The following VPS13B variants were observed in gnomAD, a reference collection of about 807,000 sequenced individuals.
VPS13B encodes intermembrane lipid transfer protein VPS13B.
VPS13B carries 285 observed loss-of-function variants against 426.4 expected under a neutral mutation model. That is an observed-to-expected ratio of 0.67 (90% confidence interval 0.61 to 0.74). The LOEUF (loss-of-function observed/expected upper bound fraction) is 0.74. Ranked by LOEUF, VPS13B falls within the 30% of genes least tolerant of loss-of-function variation. The probability of loss-of-function intolerance (pLI) is 0.00; values close to 1 mark genes in which losing one functional copy is unlikely to be tolerated. For missense variants in VPS13B, 4,537 were observed against 4,782.6 expected, an observed-to-expected ratio of 0.95 and a Z score of 1.51; for synonymous variants, 1,676 against 1,676.4, an observed-to-expected ratio of 1.00 and a Z score of 0.01.
chr8:99,698,917 A>G (rs1336202517), intron 35 of VPS13B, among the ~76,000 whole-genome samples: 1 of 152,206 alleles, frequency 6.6e-6, no homozygotes, highest in Non-Finnish European at 1.5e-5. Context: ...AAGAAATCTC[A>G]GTCTACCAAT....
chr8:99,055,083 G>T (rs1431747597), intron 3 of VPS13B, among the ~76,000 whole-genome samples: 4 of 146,466 alleles, frequency 2.7e-5, no homozygotes, highest in Non-Finnish European at 4.5e-5. Flanking sequence ...TGTTCCACAG[G>T]CTGGCATGCA....
rs371301713 is a variant in VPS13B at position 99,384,260 on chromosome 8, C to A, written c.2877C>A (p.Ile959=). Residue 959 remains isoleucine, a synonymous_variant, in exon 20 of 62, where the codon ATC becomes ATA. Coordinates refer to ENST00000357162, the MANE Select transcript of VPS13B (RefSeq NM_152564.5). ...IQGLAVNIDP[I]LYTWLIYQPQ... ...GACTAGCAGTTAATATTGACCCAAT[C>A]TTATATACGTGGCTCATCTATCAGC... The A allele has an allele frequency of 6.2e-7, 1 of 1,613,968 alleles. No individual in the cohort carries two copies. The highest frequency in any genetic ancestry group is 1.3e-5 in the African/African-American group (1 of 75,012).
intron 39 of VPS13B, among the ~76,000 whole-genome samples, chr8:99,765,942 T>A (rs893919485): frequency 6.6e-6 from 1 of 152,148 alleles, no homozygotes; most frequent in African/African-American, 2.4e-5. Flanking sequence ...TTTTATCCTT[T>A]TGGAGTTTAC....
At chr8:99,202,217 A>G (rs537187126) in intron 17 of VPS13B, among the ~76,000 whole-genome samples, 1 of 152,352 alleles carries the variant, frequency 6.6e-6, no homozygotes, top group South Asian at 2.1e-4. Context: ...AAAATAGGAT[A>G]ATGAATAGAT....
rs200973594 is a variant in VPS13B at position 99,428,723 on chromosome 8, T to C, written c.3083-2814T>C. ...TCAACCATTGTGGAAGTCAGTGTGG[T>C]GATTCCTCAGGGATCAAGAACTAGA... On this transcript the variant is annotated intron_variant, in intron 21 of 61. Transcript: ENST00000357162. 1.4e-4 allele frequency among the ~76,000 whole-genome samples: 21 copies of C among 152,308 alleles called. No individual in the cohort carries two copies. In the South Asian group the frequency reaches 2.3e-3, roughly 17 times the overall value.
chr8:99,423,302 G>A (rs1360227643), intron 21 of VPS13B, among the ~76,000 whole-genome samples: 3 of 151,826 alleles, frequency 2.0e-5, no homozygotes, highest in Admixed American at 1.3e-4. Flanking sequence ...TGTTGCCCAG[G>A]CTGGAATGCA....
At position 99,442,526 on chromosome 8, in the gene VPS13B, A is replaced by T; in HGVS notation, c.3336A>T (p.Gly1112=). ...ACCATGGACAAACCAGCATGCCGGG[A>T]ACACTTGTCCTCTGTTTGCCTCAAA... is the stretch of plus-strand genomic sequence containing the variant. ...SWYHGQTSMP[G]TLVLCLPQIK... Residue 1112 remains glycine (G), a synonymous_variant, in exon 23 of 62, where the codon GGA becomes GGT. Transcript: ENST00000357162. 6.2e-7 allele frequency: 1 copy of T among 1,613,990 alleles called. No individual in the cohort carries two copies. The highest frequency in any genetic ancestry group is 1.6e-4 in the Middle Eastern group (1 of 6,062).
intron 2 of VPS13B, among the ~76,000 whole-genome samples, chr8:99,024,302 G>A (rs1161259671): frequency 3.9e-5 from 6 of 152,206 alleles, no homozygotes; most frequent in Non-Finnish European, 4.4e-5. Context: ...GCACATGTGT[G>A]CTATTGAGTT....
Position 99,818,790 on chromosome 8 carries a change from G to C in VPS13B, c.8523G>C (p.Leu2841=). 1 of 1,613,990 alleles carries C rather than the reference G, an allele frequency of 6.2e-7. No individual in the cohort carries two copies. The highest frequency in any genetic ancestry group is 8.5e-7 in the Non-Finnish European group (1 of 1,179,946). Residue 2841 remains leucine (L), a synonymous_variant, in exon 47 of 62, where the codon CTG becomes CTC. Coordinates refer to ENST00000357162, the MANE Select transcript of VPS13B (RefSeq NM_152564.5). ...PIIIHLEKRS[L]GLSETQIIPG... ...TCATACATTTGGAGAAAAGGAGTCT[G>C]GGATTGAGTGAAACACAAATTATTC...
At chr8:99,653,911 T>C (rs184104202) in intron 34 of VPS13B, among the ~76,000 whole-genome samples, 22 of 152,228 alleles carry the variant, frequency 1.4e-4, no homozygotes, top group Admixed American at 9.2e-4. Flanking sequence ...ATACTGCTTA[T>C]AGAGTTAGCC....
chr8:99,033,845 A>G (rs1034502359), intron 2 of VPS13B, among the ~76,000 whole-genome samples: 7 of 152,118 alleles, frequency 4.6e-5, no homozygotes, highest in Non-Finnish European at 7.4e-5. Flanking sequence ...GCAGTGAGCC[A>G]AGATCATGCC....
At chr8:99,437,961 A>G (rs1175413417) in intron 22 of VPS13B, among the ~76,000 whole-genome samples, 1 of 150,978 alleles carries the variant, frequency 6.6e-6, no homozygotes, top group Non-Finnish European at 1.5e-5. Flanking sequence ...TGCCAGACTT[A>G]GCTTTTTTTT....
chr8:99,347,368 C>A, intron 19 of VPS13B: 1 of 165,512 alleles, frequency 6.0e-6, no homozygotes, highest in East Asian at 1.6e-4. Context: ...TAATTTTTAC[C>A]TGTCATTTAT....
chr8:99,717,801 C>T (rs1260973018), intron 37 of VPS13B, among the ~76,000 whole-genome samples: 2 of 152,216 alleles, frequency 1.3e-5, no homozygotes, highest in Non-Finnish European at 2.9e-5. Flanking sequence ...CTGTGACCGA[C>T]TTCTTTCACT....
intron 7 of VPS13B, 117 bp downstream of exon 7, chr8:99,115,991 C>T (rs897004213): frequency 5.6e-6 from 6 of 1,078,876 alleles, no homozygotes; most frequent in Admixed American, 2.6e-5. Context: ...ATGAGATGGG[C>T]TGATTGTTTT....
chr8:99,722,053 C>T (rs1259210374), intron 39 of VPS13B, among the ~76,000 whole-genome samples: 1 of 152,222 alleles, frequency 6.6e-6, no homozygotes, highest in Non-Finnish European at 1.5e-5. Flanking sequence ...CTGTGGCCTG[C>T]AAGGACCTAT....
At chr8:99,848,752 A>G in intron 54 of VPS13B, 24 bp from the exon 55 acceptor site, 2 of 1,608,204 alleles carry the variant, frequency 1.2e-6, no homozygotes, top group Non-Finnish European at 1.7e-6. Flanking sequence ...CTTTTTAATC[A>G]GATTTTGAAT....
chr8:99,489,875 C>T (rs1441132175), intron 25 of VPS13B, among the ~76,000 whole-genome samples: 1 of 152,116 alleles, frequency 6.6e-6, no homozygotes, highest in Non-Finnish European at 1.5e-5. Flanking sequence ...TTCCTCTTTT[C>T]CTGCTTGAAT....
chr8:99,214,926 A>G (rs775834938), intron 17 of VPS13B, among the ~76,000 whole-genome samples: 20 of 152,086 alleles, frequency 1.3e-4, no homozygotes, highest in Non-Finnish European at 1.9e-4. Flanking sequence ...TCTATTTTGG[A>G]GTTTTTTTCA....
Sources: allele counts gnomAD v4.1 joint callset (sites outside exome capture counted in the v4.1 genomes callset), GRCh38; gene constraint gnomAD v4.1.1; transcripts MANE v1.5; gene names NCBI Gene and HGNC (gene_info 2026-07-23, HGNC 2026-07-21).